The following SUCLG1 variants were observed in gnomAD, a reference collection of about 807,000 sequenced individuals.
SUCLG1 encodes the protein succinate-CoA ligase GDP/ADP-forming subunit alpha.
A neutral mutation model predicts 37.3 loss-of-function variants in SUCLG1; 26 were observed. The ratio of observed to expected loss-of-function variants is 0.70; its 90% confidence interval spans 0.51 to 0.97. SUCLG1 has a LOEUF of 0.97. SUCLG1 is among the 50% of genes least tolerant of loss of function. The probability of loss-of-function intolerance (pLI) is 0.00; values close to 1 mark genes in which losing one functional copy is unlikely to be tolerated. For synonymous variants in SUCLG1, 163 were observed against 155.6 expected (o/e 1.05, Z -0.36); for missense variants, 433 against 432.9 (o/e 1.00, Z 0.00).
chr2:84,445,955 G>A (rs994339704), intron 2 of SUCLG1, among the ~76,000 whole-genome samples: 2 of 152,198 alleles, frequency 1.3e-5, no homozygotes, highest in Admixed American at 6.5e-5. Flanking sequence ...TCAGAATCCC[G>A]TACCTGCCTA....
intron 1 of SUCLG1, 111 bp downstream of exon 1, chr2:84,459,062 C>A (rs895630079): frequency 4.4e-6 from 5 of 1,135,518 alleles, no homozygotes; most frequent in African/African-American, 1.6e-5. Flanking sequence ...GGCTCCCAGG[C>A]CCCCGCCGAG....
intron 5 of SUCLG1, among the ~76,000 whole-genome samples, chr2:84,440,176 G>A (rs922446602): frequency 6.6e-6 from 1 of 152,120 alleles, no homozygotes; most frequent in East Asian, 1.9e-4. Context: ...GGAGTTCGAG[G>A]CCAGCCTGAC....
At chr2:84,440,941 G>C in intron 5 of SUCLG1, 106 bp downstream of exon 5, 1 of 1,141,060 alleles carries the variant, frequency 8.8e-7, no homozygotes, top group African/African-American at 1.5e-5. Context: ...TTCTACTCAA[G>C]TCAAATTAAT....
At chr2:84,456,764 A>G (rs1461636369) in intron 1 of SUCLG1, among the ~76,000 whole-genome samples, 1 of 152,100 alleles carries the variant, frequency 6.6e-6, no homozygotes, top group Non-Finnish European at 1.5e-5. Flanking sequence ...CCCGGGTTCA[A>G]GCAATTCTCC....
At chr2:84,451,539 C>T (rs1373594193) in intron 1 of SUCLG1, among the ~76,000 whole-genome samples, 3 of 152,216 alleles carry the variant, frequency 2.0e-5, no homozygotes, top group African/African-American at 7.2e-5. Context: ...AAGCACAGCT[C>T]CAATAACAGA....
chr2:84,455,844 A>C (rs930855952), intron 1 of SUCLG1, among the ~76,000 whole-genome samples: 5 of 151,484 alleles, frequency 3.3e-5, no homozygotes, highest in South Asian at 2.1e-4. Flanking sequence ...TCAAAACAAA[A>C]AAAAAAAAAA....
intron 2 of SUCLG1, among the ~76,000 whole-genome samples, chr2:84,446,585 A>C (rs982275166): frequency 6.6e-6 from 1 of 152,196 alleles, no homozygotes; most frequent in Non-Finnish European, 1.5e-5. Flanking sequence ...AGGGTTTTGA[A>C]AGAACCACAG....
chr2:84,452,815 A>C (rs1672960676), intron 1 of SUCLG1, among the ~76,000 whole-genome samples: 1 of 152,176 alleles, frequency 6.6e-6, no homozygotes, highest in African/African-American at 2.4e-5. Context: ...CAGTAGGTCT[A>C]TGGGAAACAT....
At chr2:84,447,408 T>C (rs1558613552) in intron 2 of SUCLG1, among the ~76,000 whole-genome samples, 1 of 152,232 alleles carries the variant, frequency 6.6e-6, no homozygotes, top group Non-Finnish European at 1.5e-5. Flanking sequence ...ACTATCACCT[T>C]ATTTAGAATA....
chr2:84,447,198 C>T (rs1171967763), intron 2 of SUCLG1, among the ~76,000 whole-genome samples: 1 of 152,186 alleles, frequency 6.6e-6, no homozygotes, highest in Non-Finnish European at 1.5e-5. Context: ...AGACAATATG[C>T]AGATTTACTG....
intron 2 of SUCLG1, among the ~76,000 whole-genome samples, chr2:84,444,217 C>T (rs1672815313): frequency 6.6e-6 from 1 of 152,178 alleles, no homozygotes; most frequent in Non-Finnish European, 1.5e-5. Flanking sequence ...GGGGGAAATT[C>T]AGCCAGATAT....
chr2:84,454,272 T>G (rs1672986854), intron 1 of SUCLG1, among the ~76,000 whole-genome samples: 1 of 152,256 alleles, frequency 6.6e-6, no homozygotes, highest in Non-Finnish European at 1.5e-5. Context: ...GCATATAATG[T>G]GCAGTATGCA....
At chr2:84,451,781 C>T (rs1440078034) in intron 1 of SUCLG1, among the ~76,000 whole-genome samples, 1 of 152,180 alleles carries the variant, frequency 6.6e-6, no homozygotes, top group Non-Finnish European at 1.5e-5. Context: ...CTCTAATGCA[C>T]AGGTGTAGAT....
At chr2:84,441,878 T>C (rs1031670657) in intron 3 of SUCLG1, among the ~76,000 whole-genome samples, 2 of 152,122 alleles carry the variant, frequency 1.3e-5, no homozygotes, top group African/African-American at 4.8e-5. Context: ...AAAAGTCACA[T>C]CATGGGGATG....
At chr2:84,424,617 C>G (rs1006019293) in intron 8 of SUCLG1, among the ~76,000 whole-genome samples, 4 of 152,120 alleles carry the variant, frequency 2.6e-5, no homozygotes, top group African/African-American at 9.7e-5. Context: ...CTGTTCCCTT[C>G]TAGGAAACCA....
Position 84,441,449 on chromosome 2 carries a change from T to C in SUCLG1, c.329A>G (p.Gln110Arg). ...VFNTVKEAKEQTGATASVIYV... is the reference protein window; with the variant it reads ...VFNTVKEAKERTGATASVIYV... ...AATGACAGAAGCCGTTGCTCCTGTC[T>C]GTTCTTTGGCCTGAAACATTAACGA... Residue 110 changes from glutamine to arginine, a missense_variant, in exon 4 of 9, where the codon CAG (glutamine) becomes CGG (arginine). Transcript: ENST00000393868. 1.2e-6 allele frequency: 2 copies of C among 1,614,160 alleles called. No homozygotes were observed. Among genetic ancestry groups the C allele is most frequent in the Non-Finnish European group, 1.7e-6 (2 of 1,180,020 alleles).
At chr2:84,434,454 C>T (rs865826042) in intron 5 of SUCLG1, among the ~76,000 whole-genome samples, 1 of 152,130 alleles carries the variant, frequency 6.6e-6, no homozygotes, top group Non-Finnish European at 1.5e-5. Context: ...ATTAGGTGTG[C>T]GCCGAGGGAG....
At chr2:84,459,062 C>G (rs895630079) in intron 1 of SUCLG1, 111 bp downstream of exon 1, 1 of 1,135,518 alleles carries the variant, frequency 8.8e-7, no homozygotes, top group East Asian at 2.7e-5. Context: ...GGCTCCCAGG[C>G]CCCCGCCGAG....
At chr2:84,456,747 T>A (rs554128733) in intron 1 of SUCLG1, among the ~76,000 whole-genome samples, 3 of 152,126 alleles carry the variant, frequency 2.0e-5, no homozygotes, top group African/African-American at 7.2e-5. Context: ...CACTGCAAGC[T>A]CCACCTCCCG....
Sources: gnomAD v4.1 joint callset for allele counts (sites outside exome capture counted in the v4.1 genomes callset) on GRCh38, gnomAD v4.1.1 for gene constraint, MANE v1.5 for transcripts, NCBI Gene and HGNC (gene_info 2026-07-23, HGNC 2026-07-21) for gene names.